The following FHOD3 variants were observed in gnomAD, a reference collection of about 807,000 sequenced individuals.
The protein encoded by FHOD3 is FH1/FH2 domain-containing protein 3.
Under a neutral mutation model 173.0 loss-of-function variants are expected in FHOD3, and 90 were observed. The observed-to-expected ratio is 0.52, with a 90% confidence interval of 0.44 to 0.62. The LOEUF (loss-of-function observed/expected upper bound fraction) is 0.62. Ranked by LOEUF, FHOD3 falls within the 20% of genes least tolerant of loss-of-function variation. The probability of loss-of-function intolerance (pLI) is 0.00; values close to 1 mark genes in which losing one functional copy is unlikely to be tolerated. For synonymous variants in FHOD3, 828 were observed against 823.0 expected, an observed-to-expected ratio of 1.01 and a Z score of -0.10; for missense variants, 1,945 against 2,034.7, an observed-to-expected ratio of 0.96 and a Z score of 0.85.
intron 19 of FHOD3, among the ~76,000 whole-genome samples, chr18:36,727,821 T>G (rs1416184547): frequency 6.6e-6 from 1 of 152,244 alleles, no homozygotes; most frequent in East Asian, 1.9e-4. Context: ...CCAAGCTGTT[T>G]GCCATGGGGC....
intron 3 of FHOD3, among the ~76,000 whole-genome samples, chr18:36,433,676 A>G (rs1354790732): frequency 6.6e-6 from 1 of 152,222 alleles, no homozygotes; most frequent in Non-Finnish European, 1.5e-5. Flanking sequence ...ATACTGTCGC[A>G]GTATCTAAGC....
intron 19 of FHOD3, among the ~76,000 whole-genome samples, chr18:36,719,384 A>C (rs1356877771): frequency 6.6e-6 from 1 of 151,040 alleles, no homozygotes; most frequent in African/African-American, 2.4e-5. Context: ...ACATAAAGTT[A>C]TTGGGCACCA....
chr18:36,747,632 A>G (rs1296264871), intron 24 of FHOD3, among the ~76,000 whole-genome samples: 1 of 152,202 alleles, frequency 6.6e-6, no homozygotes, highest in East Asian at 1.9e-4. Context: ...TGTCCTCTGG[A>G]CCAGCCCTCC....
chr18:36,731,549 G>A (rs565146716), intron 20 of FHOD3, among the ~76,000 whole-genome samples: 1 of 152,310 alleles, frequency 6.6e-6, no homozygotes, highest in Non-Finnish European at 1.5e-5. Context: ...GGGATCTGGG[G>A]ACACTGCTTT....
intron 10 of FHOD3, among the ~76,000 whole-genome samples, chr18:36,642,720 T>G (rs1304282160): frequency 1.3e-5 from 2 of 152,124 alleles, no homozygotes; most frequent in African/African-American, 4.8e-5. Context: ...TATAAAATAT[T>G]TACGAATATA....
At chr18:36,437,159 C>A (rs764239228) in intron 3 of FHOD3, among the ~76,000 whole-genome samples, 1 of 152,092 alleles carries the variant, frequency 6.6e-6, no homozygotes, top group Non-Finnish European at 1.5e-5. Context: ...CACTCTGTCA[C>A]CAGGCTGGAG....
chr18:36,468,721 C>T (rs1266614190), intron 3 of FHOD3, among the ~76,000 whole-genome samples: 12 of 152,118 alleles, frequency 7.9e-5, no homozygotes, highest in African/African-American at 2.9e-4. Context: ...GAGCTCAGTC[C>T]AACCCCAGAT....
intron 17 of FHOD3, among the ~76,000 whole-genome samples, chr18:36,695,553 A>G (rs1003121045): frequency 2.6e-5 from 4 of 152,232 alleles, no homozygotes; most frequent in Admixed American, 1.3e-4. Context: ...AAAAAAGTCA[A>G]AAGTACTGGC....
At chr18:36,419,036 C>A (rs1125112) in intron 3 of FHOD3, among the ~76,000 whole-genome samples, 105,748 of 151,938 alleles carry the variant, frequency 0.7, 37,958 homozygotes, top group East Asian at 0.97. Context: ...GAGTAAAAAA[C>A]GTGTATGGTT....
intron 3 of FHOD3, among the ~76,000 whole-genome samples, chr18:36,477,451 C>A (rs755275231): frequency 1.8e-4 from 28 of 151,806 alleles, no homozygotes; most frequent in Non-Finnish European, 2.9e-4. Flanking sequence ...GGGAAATAGC[C>A]AAAATGTGTG....
chr18:36,300,602 A>G (rs1304079587), intron 1 of FHOD3, among the ~76,000 whole-genome samples: 1 of 152,132 alleles, frequency 6.6e-6, no homozygotes, highest in Non-Finnish European at 1.5e-5. Context: ...TGGTATTGAC[A>G]AGAAGTGGAG....
chr18:36,398,459 T>C (rs2048654054), intron 3 of FHOD3, among the ~76,000 whole-genome samples: 1 of 152,258 alleles, frequency 6.6e-6, no homozygotes, highest in South Asian at 2.1e-4. Flanking sequence ...TGGATCATGT[T>C]GTAATTCTAT....
At chr18:36,703,665 G>A (rs1009727937) in intron 17 of FHOD3, among the ~76,000 whole-genome samples, 1 of 152,160 alleles carries the variant, frequency 6.6e-6, no homozygotes, top group East Asian at 1.9e-4. Flanking sequence ...TGAGGAGTTG[G>A]TGTTGGGATT....
chr18:36,740,803 T>C lies in FHOD3; in HGVS notation c.3724T>C (p.Trp1242Arg), dbSNP rs2041865920. 6.2e-7 allele frequency: 1 copy of C among 1,612,918 alleles called. No individual in the cohort carries two copies. Among genetic ancestry groups the C allele is most frequent in the Non-Finnish European group, 8.5e-7 (1 of 1,179,714 alleles). ...ISELSARLHL[W>R]AFKMDYETTE... Reference sequence around the variant, plus strand: ...CGAGCTCTCTGCACGACTTCACCTCTGGGCATTCAAAATGGATTATGAAAC... The same window carrying C: ...CGAGCTCTCTGCACGACTTCACCTCCGGGCATTCAAAATGGATTATGAAAC... Residue 1242 changes from tryptophan (W) to arginine (R), a missense_variant, in exon 21 of 29, where the codon TGG becomes CGG. Trp to Arg is a moderately radical substitution (Grantham distance 101). Coordinates refer to ENST00000590592, the MANE Select transcript of FHOD3 (RefSeq NM_001281740.3).
At chr18:36,493,191 C>A (rs1350536775) in intron 3 of FHOD3, among the ~76,000 whole-genome samples, 3 of 148,356 alleles carry the variant, frequency 2.0e-5, no homozygotes, top group African/African-American at 7.4e-5. Context: ...TCTTGTGTAT[C>A]TGAACTTTTT....
intron 5 of FHOD3, among the ~76,000 whole-genome samples, chr18:36,519,657 G>A (rs1043073848): frequency 4.6e-5 from 7 of 152,190 alleles, no homozygotes; most frequent in Admixed American, 3.3e-4. Flanking sequence ...CAAGGCCAGG[G>A]CCAGATCCTG....
chr18:36,514,251 C>T (rs574194943), intron 5 of FHOD3, among the ~76,000 whole-genome samples: 4 of 152,096 alleles, frequency 2.6e-5, no homozygotes, highest in East Asian at 1.9e-4. Flanking sequence ...CCTCATGATC[C>T]GCCGGCCTCG....
chr18:36,694,976 GGTGTGTGT>G (rs34946996), intron 17 of FHOD3, among the ~76,000 whole-genome samples: 3 of 149,144 alleles, frequency 2.0e-5, no homozygotes, highest in African/African-American at 7.4e-5. Context: ...TGTATACGTG[GGTGTGTGT>G]GTGTGTGTGT....
chr18:36,420,721 T>C (rs1359143973), intron 3 of FHOD3, among the ~76,000 whole-genome samples: 1 of 152,194 alleles, frequency 6.6e-6, no homozygotes, highest in African/African-American at 2.4e-5. Context: ...GTGGTACTGC[T>C]AGTTTTTGGC....
Sources: gnomAD v4.1 joint callset for allele counts (sites outside exome capture counted in the v4.1 genomes callset) on GRCh38, gnomAD v4.1.1 for gene constraint, MANE v1.5 for transcripts, NCBI Gene and HGNC (gene_info 2026-07-23, HGNC 2026-07-21) for gene names.